Variants in ERBB4 observed in about 807,000 individuals in gnomAD.
ERBB4 encodes the protein receptor tyrosine-protein kinase erbB-4.
In ERBB4, 42 loss-of-function variants were observed where a neutral mutation model predicts 158.0. That is an observed-to-expected ratio of 0.27 (90% CI 0.21 to 0.34). The LOEUF is 0.34. Ranked by LOEUF, ERBB4 falls within the 10% of genes least tolerant of loss-of-function variation. The pLI is 1.00. For missense variants in ERBB4, 1,333 were observed against 1,624.1 expected, an observed-to-expected ratio of 0.82 and a Z score of 3.08; for synonymous variants, 583 against 558.7, an observed-to-expected ratio of 1.04 and a Z score of -0.61.
chr2:212,243,223 C>G (rs1029863649), intron 1 of ERBB4, among the ~76,000 whole-genome samples: 1 of 152,058 alleles, frequency 6.6e-6, no homozygotes, highest in African/African-American at 2.4e-5. Flanking sequence ...AGGGCAGCGA[C>G]CAGATTGGGA....
chr2:211,691,565 CAT>C (rs754037194), intron 12 of ERBB4, among the ~76,000 whole-genome samples: 1,642 of 95,832 alleles, frequency 0.017, 19 homozygotes, highest in Non-Finnish European at 0.025. Context: ...TGCATAGAAA[CAT>C]ATGTGTGTGT....
At chr2:212,463,719 AATT>A (rs1426104363) in intron 1 of ERBB4, among the ~76,000 whole-genome samples, 1 of 152,082 alleles carries the variant, frequency 6.6e-6, no homozygotes, top group East Asian at 1.9e-4. Flanking sequence ...GGCACAAACT[AATT>A]ATTTTGTGTG....
At chr2:211,630,174 C>A (rs2070049919) in intron 17 of ERBB4, among the ~76,000 whole-genome samples, 1 of 152,196 alleles carries the variant, frequency 6.6e-6, no homozygotes, top group Non-Finnish European at 1.5e-5. Context: ...GAGATATCCT[C>A]TATCCAGAGC....
intron 12 of ERBB4, among the ~76,000 whole-genome samples, chr2:211,698,770 T>C (rs1310736779): frequency 6.6e-6 from 1 of 152,122 alleles, no homozygotes; most frequent in African/African-American, 2.4e-5. Flanking sequence ...TATTTCAGTG[T>C]TAAAAATTTA....
At position 211,386,966 on chromosome 2, in the gene ERBB4, C is replaced by T. The variant is rs2062698149; in HGVS notation, c.3368G>A (p.Ser1123Asn). 6.2e-7 allele frequency: 1 copy of T among 1,613,972 alleles called. No homozygotes were observed. Among genetic ancestry groups the T allele is most frequent in the African/African-American group, 1.3e-5 (1 of 74,918 alleles). The change falls in exon 27 of 28, where the codon AGT becomes AAT. Residue 1123 changes from serine to asparagine, a missense_variant. Ser to Asn is a conservative substitution (Grantham distance 46, BLOSUM62 1). Coordinates refer to ENST00000342788, the MANE Select transcript of ERBB4 (RefSeq NM_005235.3). Reference protein sequence around the residue: ...KPVAPHVQEDSSTQRYSADPT... With the variant: ...KPVAPHVQEDNSTQRYSADPT... Reference sequence around the variant, plus strand: ...GTCAGCACTGTACCTCTGGGTGCTACTGTCCTCTTGGACATGGGGTGCCAC... The same window carrying T: ...GTCAGCACTGTACCTCTGGGTGCTATTGTCCTCTTGGACATGGGGTGCCAC...
rs1474663527 is a variant in ERBB4, at chr2:211,380,121, T to A, written c.*3494A>T. 1 of 232,070 alleles carries A rather than the reference T, an allele frequency of 4.3e-6. No homozygotes were observed. The highest frequency in any genetic ancestry group is 6.1e-5 in the East Asian group (1 of 16,446). 14.4% of individuals were successfully genotyped at this position (232,070 alleles called of 1,614,324 possible). On this transcript the variant is annotated 3_prime_UTR_variant, in exon 28 of 28. Coordinates refer to ENST00000342788, the MANE Select transcript of ERBB4 (RefSeq NM_005235.3). ...ATCACTTGATTTTAGTTTGTGTGTT[T>A]TAATAGAAATTTGAGTTTTGCGTTG...
chr2:212,164,942 T>C (rs1055030230), intron 1 of ERBB4, among the ~76,000 whole-genome samples: 20 of 149,624 alleles, frequency 1.3e-4, no homozygotes, highest in Non-Finnish European at 2.5e-4. Flanking sequence ...ATGGACAAAC[T>C]TGACTTTGAA....
At position 212,099,602 on chromosome 2, in the gene ERBB4, G is replaced by A. The variant is rs564997931; in HGVS notation, c.234+25150C>T. ...TAGATATGAAATGATGACTTCTCCC[G>A]GGGCATACAAACATATTGGTCTTGC... is the stretch of plus-strand genomic sequence containing the variant. On this transcript the variant is annotated intron_variant, in intron 2 of 27. Transcript: ENST00000342788. Among the ~76,000 whole-genome samples the A allele has an allele frequency of 7.2e-5, 11 of 152,120 alleles. No individual in the cohort carries two copies. In the South Asian group the frequency reaches 2.1e-3, roughly 29 times the overall value.
intron 16 of ERBB4, among the ~76,000 whole-genome samples, chr2:211,649,100 A>G (rs1263690105): frequency 6.6e-6 from 1 of 151,900 alleles, no homozygotes; most frequent in Non-Finnish European, 1.5e-5. Context: ...ACACGCTTAG[A>G]TCATGGAATT....
At chr2:211,694,404 C>A (rs895895935) in intron 12 of ERBB4, among the ~76,000 whole-genome samples, 2 of 152,060 alleles carry the variant, frequency 1.3e-5, no homozygotes, top group African/African-American at 4.8e-5. Context: ...CTCAGAATTT[C>A]TAGATTACAA....
chr2:212,437,673 G>T (rs112404673), intron 1 of ERBB4, among the ~76,000 whole-genome samples: 1,683 of 152,006 alleles, frequency 0.011, 36 homozygotes, highest in African/African-American at 0.038. Context: ...CTCCATAATT[G>T]GGTTAACATC....
intron 4 of ERBB4, 64 bp from the exon 5 acceptor site, chr2:211,750,768 T>C (rs2075108729): frequency 2.2e-6 from 3 of 1,365,658 alleles, no homozygotes; most frequent in South Asian, 1.2e-5. Flanking sequence ...TGACTAGGAG[T>C]AACTCCTCAA....
intron 25 of ERBB4, among the ~76,000 whole-genome samples, chr2:211,391,638 G>A (rs1465438697): frequency 1.3e-5 from 2 of 152,152 alleles, no homozygotes; most frequent in African/African-American, 4.8e-5. Context: ...AGATTAAAGA[G>A]AAGGCAAGTA....
At chr2:211,469,684 C>G (rs2064784052) in intron 20 of ERBB4, among the ~76,000 whole-genome samples, 2 of 152,030 alleles carry the variant, frequency 1.3e-5, no homozygotes, top group Admixed American at 1.3e-4. Flanking sequence ...CATTGACAAA[C>G]TAGGTGTTAA....
At chr2:211,691,587 T>TGTGTGTGC (rs1321084765) in intron 12 of ERBB4, among the ~76,000 whole-genome samples, 1 of 146,210 alleles carries the variant, frequency 6.8e-6, no homozygotes, top group Non-Finnish European at 1.5e-5. Flanking sequence ...TGTGTGTGTG[T>TGTGTGTGC]GTGTGTGTGT....
At chr2:212,144,232 G>A (rs982530723) in intron 1 of ERBB4, among the ~76,000 whole-genome samples, 3 of 151,916 alleles carry the variant, frequency 2.0e-5, no homozygotes, top group Non-Finnish European at 2.9e-5. Context: ...ATTAATACAC[G>A]TATGACCCTC....
chr2:212,190,905 C>T (rs974054632), intron 1 of ERBB4, among the ~76,000 whole-genome samples: 1 of 152,102 alleles, frequency 6.6e-6, no homozygotes, highest in East Asian at 1.9e-4. Flanking sequence ...TGAAAACACA[C>T]ATACGCTCAC....
At chr2:211,755,282 G>T (rs1247799171) in intron 4 of ERBB4, among the ~76,000 whole-genome samples, 1 of 152,138 alleles carries the variant, frequency 6.6e-6, no homozygotes, top group Non-Finnish European at 1.5e-5. Flanking sequence ...TGGGCTGACT[G>T]CTTGAGCCCA....
At chr2:212,140,533 T>A (rs1482956064) in intron 1 of ERBB4, among the ~76,000 whole-genome samples, 5 of 149,474 alleles carry the variant, frequency 3.3e-5, no homozygotes, top group East Asian at 1.9e-4. Context: ...GTTTTTTTTT[T>A]AATTTTAGGA....
Sources: allele counts gnomAD v4.1 joint callset (sites outside exome capture counted in the v4.1 genomes callset), GRCh38; gene constraint gnomAD v4.1.1; transcripts MANE v1.5; gene names NCBI Gene and HGNC (gene_info 2026-07-23, HGNC 2026-07-21).